Variants in KHDRBS3 observed in about 807,000 individuals in gnomAD.
KHDRBS3 encodes KH domain-containing, RNA-binding, signal transduction-associated protein 3.
In KHDRBS3, 23 loss-of-function variants were observed where a neutral mutation model predicts 45.6. The observed-to-expected ratio is 0.50, with a 90% CI of 0.36 to 0.72. The LOEUF is 0.72. Ranked by LOEUF, KHDRBS3 falls within the 30% of genes least tolerant of loss-of-function variation. The pLI, the probability that KHDRBS3 is intolerant of heterozygous loss-of-function variation, is 0.00. For synonymous variants in KHDRBS3, 162 were observed against 156.5 expected, an observed-to-expected ratio of 1.04 and a Z score of -0.26; for missense variants, 352 against 424.8, an observed-to-expected ratio of 0.83 and a Z score of 1.51.
chr8:135,461,412 G>A (rs1333860451), intron 1 of KHDRBS3, among the ~76,000 whole-genome samples: 1 of 152,116 alleles, frequency 6.6e-6, no homozygotes, highest in East Asian at 1.9e-4. Flanking sequence ...CTCTGAATTT[G>A]TTTCTCTAAC....
intron 5 of KHDRBS3, among the ~76,000 whole-genome samples, chr8:135,574,484 C>T (rs183909235): frequency 3.9e-5 from 6 of 152,104 alleles, no homozygotes; most frequent in East Asian, 3.9e-4. Context: ...TGTCAATGAT[C>T]GTGGAAGAGA....
chr8:135,498,500 T>C (rs1041520503), intron 1 of KHDRBS3, among the ~76,000 whole-genome samples: 1 of 152,194 alleles, frequency 6.6e-6, no homozygotes, highest in African/African-American at 2.4e-5. Flanking sequence ...TACACACCTG[T>C]TCAGAACATT....
chr8:135,517,643 A>G (rs1254862641), intron 1 of KHDRBS3, among the ~76,000 whole-genome samples: 6 of 152,210 alleles, frequency 3.9e-5, no homozygotes, highest in African/African-American at 2.4e-5. Context: ...AGTTTTAACC[A>G]GTTTTGAATT....
At chr8:135,476,490 T>C (rs972422668) in intron 1 of KHDRBS3, among the ~76,000 whole-genome samples, 1 of 152,194 alleles carries the variant, frequency 6.6e-6, no homozygotes, top group African/African-American at 2.4e-5. Context: ...AACTGCTGCA[T>C]TTGTTTTTCC....
intron 1 of KHDRBS3, among the ~76,000 whole-genome samples, chr8:135,474,290 TC>T (rs1240315077): frequency 1.3e-5 from 2 of 152,226 alleles, no homozygotes; most frequent in African/African-American, 4.8e-5. Flanking sequence ...CAGTATTTCT[TC>T]TGATTAAACC....
intron 7 of KHDRBS3, among the ~76,000 whole-genome samples, chr8:135,627,332 G>A (rs1318259971): frequency 6.6e-6 from 1 of 152,198 alleles, no homozygotes; most frequent in Non-Finnish European, 1.5e-5. Flanking sequence ...CAGGAAGAAG[G>A]GGGAAGAGTG....
At position 135,647,137 on chromosome 8, in the gene KHDRBS3, T is replaced by C. The variant is rs1313974218; in HGVS notation, c.*53T>C. The C allele has an allele frequency of 1.6e-5, 13 of 798,332 alleles. No individual in the cohort carries two copies. In the Admixed American group the frequency reaches 3.1e-4, roughly 19 times the overall value. 49.5% of individuals were successfully genotyped at this position (798,332 alleles called of 1,614,324 possible). On this transcript the variant is annotated 3_prime_UTR_variant, in exon 9 of 9. Coordinates refer to ENST00000355849, the MANE Select transcript of KHDRBS3 (RefSeq NM_006558.3). ...CAATCTCCACCAGTCCTGTATACTGTTCAAAGTAATTTTTTTCTATGAACA... is the reference window on the plus strand; with the variant it reads ...CAATCTCCACCAGTCCTGTATACTGCTCAAAGTAATTTTTTTCTATGAACA...
chr8:135,511,838 G>A (rs1335243584), intron 1 of KHDRBS3, among the ~76,000 whole-genome samples: 3 of 152,122 alleles, frequency 2.0e-5, no homozygotes, highest in Non-Finnish European at 4.4e-5. Flanking sequence ...GATTACAGGC[G>A]TGAGCCACCG....
intron 6 of KHDRBS3, among the ~76,000 whole-genome samples, chr8:135,594,547 G>A (rs1432656535): frequency 6.6e-6 from 1 of 152,176 alleles, no homozygotes; most frequent in African/African-American, 2.4e-5. Flanking sequence ...CATGTGGAAA[G>A]TACTTGATAC....
intron 1 of KHDRBS3, among the ~76,000 whole-genome samples, chr8:135,504,561 CTT>C (rs1217661011): frequency 6.6e-6 from 1 of 152,136 alleles, no homozygotes; most frequent in East Asian, 1.9e-4. Context: ...AGTTTGTAAA[CTT>C]AATTAGTTCT....
intron 6 of KHDRBS3, among the ~76,000 whole-genome samples, chr8:135,599,223 G>A (rs949382138): frequency 6.6e-6 from 1 of 152,200 alleles, no homozygotes; most frequent in African/African-American, 2.4e-5. Context: ...ACCCCTGCCA[G>A]CTCGGTGCTG....
chr8:135,469,520 TTG>T lies in KHDRBS3; in HGVS notation c.88+11567_88+11568del, dbSNP rs1207704876. 9.1e-3 allele frequency among the ~76,000 whole-genome samples: 167 copies of T among 18,358 alleles called. 3 individuals are homozygous for T. Among genetic ancestry groups the T allele is most frequent in the East Asian group, 0.029 (4 of 140 alleles). The allele number at this position is 18,358 out of a possible 152,430, so 12.0% of individuals were successfully genotyped here. On this transcript the variant is annotated intron_variant, in intron 1 of 8. Coordinates refer to ENST00000355849, the MANE Select transcript of KHDRBS3 (RefSeq NM_006558.3). ...GCCAGGATGGTGTTTTTTTTTTGTT[TTG>T]GTTTTTTTTTTTTTTTTTTTTTTTT... is the stretch of plus-strand genomic sequence containing the variant.
At chr8:135,627,890 G>A (rs1036024407) in intron 7 of KHDRBS3, among the ~76,000 whole-genome samples, 1 of 151,918 alleles carries the variant, frequency 6.6e-6, no homozygotes, top group Non-Finnish European at 1.5e-5. Context: ...AAATTAGATG[G>A]TAGTGAAAAA....
At chr8:135,546,766 T>G (rs984028098) in intron 3 of KHDRBS3, among the ~76,000 whole-genome samples, 1 of 152,142 alleles carries the variant, frequency 6.6e-6, no homozygotes, top group African/African-American at 2.4e-5. Flanking sequence ...GTCATACAGT[T>G]AATGTTGAAT....
chr8:135,644,105 A>C (rs1002705182), intron 7 of KHDRBS3, among the ~76,000 whole-genome samples: 2 of 152,214 alleles, frequency 1.3e-5, no homozygotes, highest in African/African-American at 4.8e-5. Flanking sequence ...GAGAGGGTAC[A>C]TGGAAACTCT....
intron 5 of KHDRBS3, among the ~76,000 whole-genome samples, chr8:135,559,393 C>T (rs1827057852): frequency 6.6e-6 from 1 of 152,172 alleles, no homozygotes; most frequent in South Asian, 2.1e-4. Context: ...TGCCCTGTCA[C>T]CCGGGCTGGA....
chr8:135,541,653 G>C (rs2130769798), intron 2 of KHDRBS3: 1 of 152,272 alleles, frequency 6.6e-6, no homozygotes, highest in South Asian at 2.1e-4. Flanking sequence ...AGAAGTGGCT[G>C]CTATGTGAGT....
At chr8:135,465,023 G>A (rs562777933) in intron 1 of KHDRBS3, among the ~76,000 whole-genome samples, 20 of 152,304 alleles carry the variant, frequency 1.3e-4, no homozygotes, top group Admixed American at 2.6e-4. Context: ...GGGCAGTTGC[G>A]TACCATACAG....
intron 7 of KHDRBS3, chr8:135,625,700 G>A (rs1439741668): frequency 2.5e-6 from 2 of 791,382 alleles, no homozygotes; most frequent in African/African-American, 1.7e-5. Flanking sequence ...TTACTAATTT[G>A]TCCACAGGAA....
Sources: gnomAD v4.1 joint callset for allele counts (sites outside exome capture counted in the v4.1 genomes callset) on GRCh38, gnomAD v4.1.1 for gene constraint, MANE v1.5 for transcripts, NCBI Gene and HGNC (gene_info 2026-07-23, HGNC 2026-07-21) for gene names.